GLI3: variants seen among roughly 807,000 people sequenced by gnomAD.
GLI3 encodes the protein transcription activator GLI3.
Under a neutral mutation model 100.8 loss-of-function variants are expected in GLI3, and 20 were observed. That is an observed-to-expected ratio of 0.20 (90% CI 0.14 to 0.29). The LOEUF is 0.29. GLI3 is among the 10% of genes least tolerant of loss of function. The pLI is 1.00. For missense variants in GLI3, 2,040 were observed against 2,128.5 expected (o/e 0.96, Z 0.82); for synonymous variants, 938 against 860.5 (o/e 1.09, Z -1.58).
At chr7:42,115,276 C>CT (rs1246839462) in intron 3 of GLI3, among the ~76,000 whole-genome samples, 1 of 151,390 alleles carries the variant, frequency 6.6e-6, no homozygotes, top group African/African-American at 2.4e-5. Flanking sequence ...GTAGCTGGGA[C>CT]TACAGGCGCC....
intron 4 of GLI3, among the ~76,000 whole-genome samples, chr7:42,060,657 A>G (rs1784548864): frequency 6.6e-6 from 1 of 152,178 alleles, no homozygotes; most frequent in Non-Finnish European, 1.5e-5. Context: ...CATCTCAAAA[A>G]CAATACTCAA....
intron 2 of GLI3, among the ~76,000 whole-genome samples, chr7:42,208,349 G>T (rs998667372): frequency 1.2e-4 from 18 of 152,138 alleles, no homozygotes; most frequent in African/African-American, 4.3e-4. Flanking sequence ...TTTCTAAAAT[G>T]AATTATTTTA....
In GLI3 at chr7:42,128,195, C is replaced by G. The variant is rs557702715; in HGVS notation, c.367+20031G>C. Among the ~76,000 whole-genome samples, 6 of 151,978 alleles carry G rather than the reference C, an allele frequency of 3.9e-5. No individual in the cohort carries two copies. In the South Asian group the frequency reaches 1.0e-3, roughly 26 times the overall value. ...GAGTAGCCAGTCTGTAATAAGGGAG[C>G]ACTCAATTTAAGACACAGTTTGACA... On this transcript the variant is annotated intron_variant, in intron 3 of 14. Transcript: ENST00000395925.
intron 3 of GLI3, among the ~76,000 whole-genome samples, chr7:42,140,016 T>C (rs1786527919): frequency 6.6e-6 from 1 of 152,204 alleles, no homozygotes; most frequent in African/African-American, 2.4e-5. Flanking sequence ...ACTTCCCTCC[T>C]GAAATTCACC....
intron 1 of GLI3, among the ~76,000 whole-genome samples, chr7:42,233,244 G>A (rs1218150689): frequency 6.6e-6 from 1 of 152,174 alleles, no homozygotes; most frequent in African/African-American, 2.4e-5. Flanking sequence ...AGACAGCATT[G>A]CCTTTAGCAG....
chr7:42,176,426 C>T (rs1787480901), intron 2 of GLI3, among the ~76,000 whole-genome samples: 1 of 152,166 alleles, frequency 6.6e-6, no homozygotes. Context: ...CTAACGCCAC[C>T]CAGGTTCCTC....
At chr7:42,152,362 C>G in intron 2 of GLI3, 4 of 982,336 alleles carry the variant, frequency 4.1e-6, no homozygotes, top group Non-Finnish European at 4.8e-6. Context: ...CAACACAGTC[C>G]CCAGGCTCTG....
intron 5 of GLI3, among the ~76,000 whole-genome samples, chr7:42,046,577 G>A (rs1414268268): frequency 1.3e-5 from 2 of 152,192 alleles, no homozygotes; most frequent in Non-Finnish European, 2.9e-5. Flanking sequence ...GTCAAAGAAT[G>A]TGATATATAT....
Position 41,961,114 on chromosome 7 carries a change from G to A in GLI3, c.*3216C>T, listed in dbSNP as rs1437772899. On this transcript the variant is annotated 3_prime_UTR_variant, in exon 15 of 15. Transcript: ENST00000395925. ...CACGGGGAATGCAGGCTTGTCCGAG[G>A]AACGCCTGGGCCAGTCACATCTGAA... 2.0e-5 allele frequency: 3 copies of A among 152,558 alleles called. No homozygotes were observed. The South Asian group carries it at 6.2e-4, about 32-fold the overall frequency. The allele number at this position is 152,558 out of a possible 1,614,324, so 9.5% of individuals were successfully genotyped here.
chr7:41,995,328 T>A (rs1422332181), intron 10 of GLI3, among the ~76,000 whole-genome samples: 15 of 152,134 alleles, frequency 9.9e-5, no homozygotes, highest in Admixed American at 9.2e-4. Context: ...TCCTGGTTTA[T>A]CTTCTCTCAT....
chr7:42,078,293 G>T (rs1274251180), intron 3 of GLI3, among the ~76,000 whole-genome samples: 3 of 152,154 alleles, frequency 2.0e-5, no homozygotes, highest in Admixed American at 2.0e-4. Flanking sequence ...GCAACTAGTA[G>T]AATATAAGCA....
chr7:42,073,320 G>T (rs1423166717), intron 4 of GLI3, among the ~76,000 whole-genome samples: 1 of 152,122 alleles, frequency 6.6e-6, no homozygotes, highest in Admixed American at 6.6e-5. Flanking sequence ...TTAGCAAACT[G>T]GGTTCTTTAA....
chr7:42,053,518 C>T (rs1480675203), intron 4 of GLI3, among the ~76,000 whole-genome samples: 1 of 152,196 alleles, frequency 6.6e-6, no homozygotes, highest in Non-Finnish European at 1.5e-5. Flanking sequence ...CTATCATCAA[C>T]TTGGCCTGGT....
chr7:42,099,042 C>G (rs1421294023), intron 3 of GLI3, among the ~76,000 whole-genome samples: 1 of 152,096 alleles, frequency 6.6e-6, no homozygotes, highest in Non-Finnish European at 1.5e-5. Context: ...CCTGCTCCCC[C>G]GTGCCAAGGA....
chr7:42,055,925 T>C (rs1394781013), intron 4 of GLI3, among the ~76,000 whole-genome samples: 1 of 152,130 alleles, frequency 6.6e-6, no homozygotes, highest in East Asian at 1.9e-4. Context: ...CCATGTGTTG[T>C]TGGGGGGAAC....
intron 1 of GLI3, among the ~76,000 whole-genome samples, chr7:42,255,729 TGTTTTCA>T (rs1226394312): frequency 6.6e-6 from 1 of 152,220 alleles, no homozygotes; most frequent in Non-Finnish European, 1.5e-5. Context: ...GCATTTGGCT[TGTTTTCA>T]GTTTTTGGTG....
chr7:42,185,880 G>A (rs1463108180), intron 2 of GLI3, among the ~76,000 whole-genome samples: 1 of 152,198 alleles, frequency 6.6e-6, no homozygotes, highest in African/African-American at 2.4e-5. Context: ...TGTCCCTGGA[G>A]TCATGGGGCA....
intron 10 of GLI3, among the ~76,000 whole-genome samples, chr7:41,985,936 AGATT>A (rs917734571): frequency 1.3e-5 from 2 of 152,232 alleles, no homozygotes; most frequent in African/African-American, 2.4e-5. Context: ...CCTTCCTAAC[AGATT>A]ATTTAAAAAC....
intron 3 of GLI3, among the ~76,000 whole-genome samples, chr7:42,144,515 C>T (rs1266830535): frequency 6.6e-6 from 1 of 152,078 alleles, no homozygotes. Context: ...GTTTGAAGTG[C>T]CCGCTGTCCC....
Sources: allele counts gnomAD v4.1 joint callset (sites outside exome capture counted in the v4.1 genomes callset), GRCh38; gene constraint gnomAD v4.1.1; transcripts MANE v1.5; gene names NCBI Gene and HGNC (gene_info 2026-07-23, HGNC 2026-07-21).